The following METTL13 variants were observed in gnomAD, a reference collection of about 807,000 sequenced individuals.
METTL13 encodes eEF1A lysine and N-terminal methyltransferase.
In METTL13, 52 loss-of-function variants were observed where a neutral mutation model predicts 67.4. The observed-to-expected ratio is 0.77, with a 90% CI of 0.62 to 0.97. METTL13 has a LOEUF of 0.97. Ranked by LOEUF, METTL13 falls within the 50% of genes least tolerant of loss-of-function variation. The pLI, the probability that METTL13 is intolerant of heterozygous loss-of-function variation, is 0.00. For missense variants in METTL13, 825 were observed against 889.6 expected (o/e 0.93, Z 0.92); for synonymous variants, 354 against 353.6 (o/e 1.00, Z -0.01).
chr1:171,788,675 T>G (rs1342743974), intron 4 of METTL13, among the ~76,000 whole-genome samples: 3 of 152,206 alleles, frequency 2.0e-5, no homozygotes, highest in African/African-American at 2.4e-5. Context: ...AAAGTGATAC[T>G]TGTTCATTGA....
chr1:171,783,485 A>T (rs1558128818), intron 1 of METTL13, among the ~76,000 whole-genome samples: 1 of 152,232 alleles, frequency 6.6e-6, no homozygotes, highest in Admixed American at 6.5e-5. Flanking sequence ...AGTTATGATT[A>T]ATTTGTTTCT....
At position 171,783,975 on chromosome 1, in the gene METTL13, A is replaced by T; in HGVS notation, c.389A>T (p.Asp130Val). Residue 130 changes from aspartate (D) to valine (V), a missense_variant, in exon 2 of 8, where the codon GAT (aspartate) becomes GTT (valine). By Grantham distance (152) the Asp-to-Val change is radical (BLOSUM62 -3). Coordinates refer to ENST00000361735, the MANE Select transcript of METTL13 (RefSeq NM_015935.5). The stretch of plus-strand genomic sequence containing the variant: ...GGCACCCTGGATGCTGTCCTGACAG[A>T]TGAGGAAGAGAAGACCTTACAACAG... ...DKGTLDAVLT[D>V]EEEKTLQQVD... 6 of 1,614,210 alleles carry T rather than the reference A, an allele frequency of 3.7e-6. No homozygotes were observed. The highest frequency in any genetic ancestry group is 5.1e-6 in the Non-Finnish European group (6 of 1,180,034).
chr1:171,787,951 T>C (rs763852738), intron 4 of METTL13, 21 bp downstream of exon 4: 17 of 1,610,414 alleles, frequency 1.1e-5, no homozygotes, highest in Non-Finnish European at 1.4e-5. Flanking sequence ...ATAGGCACAG[T>C]GGTGGGACCC....
rs754855347 is a variant in METTL13, at chr1:171,785,938, G to T, written c.973G>T (p.Ala325Ser). 3.8e-5 allele frequency: 62 copies of T among 1,613,746 alleles called. No individual in the cohort carries two copies. The highest frequency in any genetic ancestry group is 5.1e-5 in the Non-Finnish European group (60 of 1,180,002). Residue 325 changes from alanine to serine, a missense_variant, in exon 3 of 8, where the codon GCG becomes TCG. Ala to Ser is a moderately conservative substitution (Grantham distance 99). Coordinates refer to ENST00000361735, the MANE Select transcript of METTL13 (RefSeq NM_015935.5). Reference protein sequence around the residue: ...FGMDEGRKQLAASAGFRRLIT... With the variant: ...FGMDEGRKQLSASAGFRRLIT... ...CATGGATGAGGGCCGGAAACAGCTG[G>T]CGGCCAGTGCTGGCTTCAGGAGGTT...
chr1:171,785,383 A>T (rs1656975798), intron 2 of METTL13, among the ~76,000 whole-genome samples: 1 of 152,208 alleles, frequency 6.6e-6, no homozygotes. Flanking sequence ...AGTGCAGTGA[A>T]TACAAGCGTG....
chr1:171,787,970 G>A (rs374930759), intron 4 of METTL13, 40 bp downstream of exon 4: 40 of 1,600,640 alleles, frequency 2.5e-5, no homozygotes, highest in East Asian at 2.2e-4. Flanking sequence ...CCAAGTGGCC[G>A]TGGCATGGAC....
chr1:171,790,280 G>A (rs879529070), intron 4 of METTL13, among the ~76,000 whole-genome samples, 172 bp from the exon 5 acceptor site: 19 of 152,196 alleles, frequency 1.2e-4, no homozygotes, highest in Non-Finnish European at 2.4e-4. Context: ...CAAACATCCA[G>A]ATGATTTCAC....
At chr1:171,787,562 A>G (rs112945965) in intron 3 of METTL13, among the ~76,000 whole-genome samples, 173 bp from the exon 4 acceptor site, 1 of 152,164 alleles carries the variant, frequency 6.6e-6, no homozygotes, top group Non-Finnish European at 1.5e-5. Context: ...TAAACCTTTG[A>G]GATCAGTTCA....
chr1:171,792,262 G>T (rs748366916), intron 6 of METTL13, 27 bp downstream of exon 6: 2 of 1,612,690 alleles, frequency 1.2e-6, no homozygotes, highest in East Asian at 2.2e-5. Context: ...ATTTGAAGGG[G>T]TGTTGAGGGA....
intron 7 of METTL13, among the ~76,000 whole-genome samples, chr1:171,796,236 A>G (rs1028383345): frequency 6.6e-6 from 1 of 152,152 alleles, no homozygotes; most frequent in African/African-American, 2.4e-5. Flanking sequence ...GAGAATGGTA[A>G]AATAACATGT....
chr1:171,796,394 A>G, intron 7 of METTL13, 88 bp from the exon 8 acceptor site: 2 of 1,490,558 alleles, frequency 1.3e-6, no homozygotes, highest in Non-Finnish European at 1.8e-6. Flanking sequence ...TCCCTGGGAC[A>G]GGAATTGGTA....
chr1:171,784,520 C>T (rs1027933547), intron 2 of METTL13, 21 bp downstream of exon 2: 2 of 1,485,454 alleles, frequency 1.3e-6, no homozygotes, highest in African/African-American at 2.8e-5. Context: ...ATTGCTCCCT[C>T]TCTTCCCTGG....
chr1:171,791,447 T>C (rs1156980094), intron 5 of METTL13, among the ~76,000 whole-genome samples: 3 of 152,198 alleles, frequency 2.0e-5, no homozygotes, highest in Admixed American at 6.5e-5. Flanking sequence ...CTTCTTCCCT[T>C]TCCTAGAGAG....
chr1:171,785,845 C>T (rs545927278), intron 2 of METTL13, 34 bp from the exon 3 acceptor site: 1 of 1,605,102 alleles, frequency 6.2e-7, no homozygotes, highest in Non-Finnish European at 8.5e-7. Flanking sequence ...TGATCACTTT[C>T]CAGGACTCCC....
intron 7 of METTL13, among the ~76,000 whole-genome samples, chr1:171,795,553 T>C (rs1657340810): frequency 6.6e-6 from 1 of 152,254 alleles, no homozygotes; most frequent in Non-Finnish European, 1.5e-5. Context: ...TTAATCTTCA[T>C]AGCAGTCCAC....
intron 3 of METTL13, among the ~76,000 whole-genome samples, chr1:171,786,879 C>T (rs1287321838): frequency 6.6e-6 from 1 of 151,870 alleles, no homozygotes; most frequent in African/African-American, 2.4e-5. Context: ...CCCTATGTTG[C>T]CCAAGCTTTG....
rs1657204379 is a variant in METTL13, at chr1:171,791,510, CT to C, written c.1475-506del. On this transcript the variant is annotated intron_variant, in intron 5 of 7. Coordinates refer to ENST00000361735, the MANE Select transcript of METTL13 (RefSeq NM_015935.5). The stretch of plus-strand genomic sequence containing the variant: ...TCTTTTTTTTTGAGACAGGGATTTA[CT>C]CTTGCCCAGGCTGGAGTGCAGTGGT... Among the ~76,000 whole-genome samples, 4 of 152,064 alleles carry C rather than the reference CT, an allele frequency of 2.6e-5. No individual in the cohort carries two copies. The South Asian group carries it at 8.3e-4, about 32-fold the overall frequency.
At chr1:171,783,578 A>ATAGAT (rs1199551389) in intron 1 of METTL13, among the ~76,000 whole-genome samples, 162 bp from the exon 2 acceptor site, 1 of 152,018 alleles carries the variant, frequency 6.6e-6, no homozygotes, top group Non-Finnish European at 1.5e-5. Context: ...GTTTCAAGAT[A>ATAGAT]GAGTCTAGCA....
At position 171,796,514 on chromosome 1, in the gene METTL13, T is replaced by C. The variant is rs1182319279; in HGVS notation, c.1858T>C (p.Leu620=). The C allele has an allele frequency of 3.1e-6, 5 of 1,614,082 alleles. No individual in the cohort carries two copies. The African/African-American group carries it at 5.3e-5, about 17-fold the overall frequency. ...TATTCTCAACCTTGTGTGCCGAGACTTGGGGCTAAAAGACTCAGTGCTGGC... is the reference window on the plus strand; with the variant it reads ...TATTCTCAACCTTGTGTGCCGAGACCTGGGGCTAAAAGACTCAGTGCTGGC... ...VFILNLVCRD[L]GLKDSVLAGL... is the part of the protein sequence containing the mutation. Residue 620 remains leucine, a synonymous_variant, in exon 8 of 8, where the codon TTG becomes CTG. Transcript: ENST00000361735.
Sources: allele counts gnomAD v4.1 joint callset (sites outside exome capture counted in the v4.1 genomes callset), GRCh38; gene constraint gnomAD v4.1.1; transcripts MANE v1.5; gene names NCBI Gene and HGNC (gene_info 2026-07-23, HGNC 2026-07-21).